LRIG1: variants seen among roughly 807,000 people sequenced by gnomAD.
LRIG1 encodes the protein leucine-rich repeats and immunoglobulin-like domains protein 1.
LRIG1 carries 48 observed loss-of-function variants against 99.2 expected under a neutral mutation model. The observed-to-expected ratio is 0.48, with a 90% CI of 0.38 to 0.62. The LOEUF is 0.62. Ranked by LOEUF, LRIG1 falls within the 20% of genes least tolerant of loss-of-function variation. The pLI is 0.00. For missense variants in LRIG1, 1,646 were observed against 1,434.4 expected (o/e 1.15, Z -2.38); for synonymous variants, 772 against 596.1 (o/e 1.29, Z -4.30).
intron 2 of LRIG1, among the ~76,000 whole-genome samples, chr3:66,452,672 T>C (rs1703945083): frequency 6.6e-6 from 1 of 152,114 alleles, no homozygotes; most frequent in South Asian, 2.1e-4. Context: ...GCTGTACTCA[T>C]ACAAGTATAC....
intron 13 of LRIG1, among the ~76,000 whole-genome samples, chr3:66,384,829 C>T (rs1326562277): frequency 2.6e-5 from 4 of 152,288 alleles, no homozygotes; most frequent in South Asian, 4.1e-4. Flanking sequence ...GCCTAAAGAT[C>T]GATGTCCTGA....
At chr3:66,455,175 C>T (rs1250046377) in intron 2 of LRIG1, among the ~76,000 whole-genome samples, 2 of 152,310 alleles carry the variant, frequency 1.3e-5, no homozygotes, top group Middle Eastern at 3.4e-3. Flanking sequence ...GAACTCCTGA[C>T]CTCAGGTGAT....
chr3:66,416,209 G>A (rs1167119856), intron 4 of LRIG1, among the ~76,000 whole-genome samples: 2 of 152,160 alleles, frequency 1.3e-5, no homozygotes, highest in Non-Finnish European at 1.5e-5. Context: ...CCTTTTGAGG[G>A]CCCACACTGG....
chr3:66,422,823 T>C (rs1039372883), intron 3 of LRIG1, among the ~76,000 whole-genome samples: 3 of 152,188 alleles, frequency 2.0e-5, no homozygotes, highest in Non-Finnish European at 4.4e-5. Flanking sequence ...AAGAAAGAGA[T>C]TTAATTGGAC....
intron 14 of LRIG1, 68 bp from the exon 15 acceptor site, chr3:66,383,469 C>T (rs1701206566): frequency 7.3e-7 from 1 of 1,373,656 alleles, no homozygotes; most frequent in Non-Finnish European, 9.9e-7. Context: ...GCCCGGTCTT[C>T]TGGACAACGG....
chr3:66,493,631 C>T (rs112254581), intron 1 of LRIG1, among the ~76,000 whole-genome samples: 116 of 152,222 alleles, frequency 7.6e-4, no homozygotes, highest in African/African-American at 2.5e-3. Flanking sequence ...CCTCTGTCAC[C>T]AGCAATCTGG....
chr3:66,401,819 G>T, intron 9 of LRIG1: 1 of 508,000 alleles, frequency 2.0e-6, no homozygotes, highest in Non-Finnish European at 3.4e-6. Context: ...ACCTGCGGGA[G>T]TCACCTGTCA....
chr3:66,389,258 T>C (rs1248731432), intron 12 of LRIG1, among the ~76,000 whole-genome samples: 2 of 152,020 alleles, frequency 1.3e-5, no homozygotes, highest in African/African-American at 4.8e-5. Context: ...GGAATTAAAA[T>C]AGTACAACAG....
chr3:66,482,010 TC>T (rs1211339015), intron 1 of LRIG1, among the ~76,000 whole-genome samples: 1 of 152,242 alleles, frequency 6.6e-6, no homozygotes, highest in African/African-American at 2.4e-5. Context: ...TGGAAGCTGT[TC>T]CTGAAAGGTT....
chr3:66,417,023 G>A lies in LRIG1; in HGVS notation c.503+106C>T, dbSNP rs1702634971. On this transcript the variant is annotated intron_variant, in intron 4 of 18. Transcript: ENST00000273261. Reference sequence around the variant, plus strand: ...ACTGACTCGGCCCAGCCGTGGTTGAGAAGGGAAGGAAGCATCCCTCCTGCA... The same window carrying A: ...ACTGACTCGGCCCAGCCGTGGTTGAAAAGGGAAGGAAGCATCCCTCCTGCA... 6 of 1,449,884 alleles carry A rather than the reference G, an allele frequency of 4.1e-6. No homozygotes were observed. In the Admixed American group the frequency reaches 1.1e-4, roughly 26 times the overall value. 89.8% of individuals were successfully genotyped at this position (1,449,884 alleles called of 1,614,324 possible).
intron 3 of LRIG1, among the ~76,000 whole-genome samples, chr3:66,433,105 G>A (rs1703231213): frequency 6.6e-6 from 1 of 152,140 alleles, no homozygotes; most frequent in Non-Finnish European, 1.5e-5. Flanking sequence ...TATTTCCTCA[G>A]GCAGTAAGTA....
chr3:66,381,312 A>T (rs1701046402), intron 17 of LRIG1, among the ~76,000 whole-genome samples, 167 bp downstream of exon 17: 1 of 152,094 alleles, frequency 6.6e-6, no homozygotes. Context: ...AGGAGAAACT[A>T]TCCTGGAATT....
rs1284795566 is a variant in LRIG1, at chr3:66,380,157, A to C, written c.*106T>G. The C allele has an allele frequency of 9.4e-6, 8 of 846,656 alleles. No homozygotes were observed. The East Asian group carries it at 2.1e-4, about 22-fold the overall frequency. The allele number at this position is 846,656 out of a possible 1,614,324, so 52.4% of individuals were successfully genotyped here. Reference sequence around the variant, plus strand: ...GCGACTGATACTCCACATGGGAGTTACAACTATGTACAGATGAGTGACGCT... The same window carrying C: ...GCGACTGATACTCCACATGGGAGTTCCAACTATGTACAGATGAGTGACGCT... On this transcript the variant is annotated 3_prime_UTR_variant, in exon 19 of 19. Coordinates refer to ENST00000273261, the MANE Select transcript of LRIG1 (RefSeq NM_015541.3).
In LRIG1 at chr3:66,384,027, C is replaced by T; in HGVS notation, c.2035G>A (p.Gly679Ser). ...AGGGTGGCATTAGCTGAAATAGAAC[C>T]GGCTGAGTTCTGAGCAGTACAGCTG... ...VYSCTAQNSA[G>S]SISANATLTV... The change falls in exon 14 of 19, where the codon GGT becomes AGT. Residue 679 changes from glycine (G) to serine (S), a missense_variant. Coordinates refer to ENST00000273261, the MANE Select transcript of LRIG1 (RefSeq NM_015541.3). 1 of 1,613,814 alleles carries T rather than the reference C, an allele frequency of 6.2e-7. No individual in the cohort carries two copies. The highest frequency in any genetic ancestry group is 8.5e-7 in the Non-Finnish European group (1 of 1,179,942).
In LRIG1 at chr3:66,422,217, T is replaced by C. The variant is rs183164625; in HGVS notation, c.366-4951A>G. Among the ~76,000 whole-genome samples the C allele has an allele frequency of 1.4e-4, 22 of 152,362 alleles. No homozygotes were observed. In the East Asian group the frequency reaches 4.2e-3, roughly 29 times the overall value. On this transcript the variant is annotated intron_variant, in intron 3 of 18. Transcript: ENST00000273261. Reference sequence around the variant, plus strand: ...TGGTGATTAACATTCAGCTCCTCATTACTTATGCAAATTCCTGCAGCCAGC... The same window carrying C: ...TGGTGATTAACATTCAGCTCCTCATCACTTATGCAAATTCCTGCAGCCAGC...
chr3:66,431,044 C>G (rs1272101187), intron 3 of LRIG1, among the ~76,000 whole-genome samples: 2 of 152,014 alleles, frequency 1.3e-5, no homozygotes, highest in Non-Finnish European at 2.9e-5. Flanking sequence ...AGCACAGGCC[C>G]CACCCTGAAA....
intron 1 of LRIG1, among the ~76,000 whole-genome samples, chr3:66,486,615 G>C (rs555160276): frequency 6.6e-6 from 1 of 152,326 alleles, no homozygotes; most frequent in Admixed American, 6.5e-5. Context: ...ATTCTGAATA[G>C]CTGATGTTTA....
intron 3 of LRIG1, among the ~76,000 whole-genome samples, chr3:66,423,915 G>A (rs1702896627): frequency 6.6e-6 from 1 of 152,220 alleles, no homozygotes; most frequent in African/African-American, 2.4e-5. Flanking sequence ...TCATGCTTGT[G>A]TCATCAGAGC....
intron 3 of LRIG1, among the ~76,000 whole-genome samples, chr3:66,445,836 G>A (rs1575697815): frequency 6.6e-6 from 1 of 152,290 alleles, no homozygotes; most frequent in Non-Finnish European, 1.5e-5. Context: ...CATGCAGTGG[G>A]AATGCCAGCC....
Sources: allele counts gnomAD v4.1 joint callset (sites outside exome capture counted in the v4.1 genomes callset), GRCh38; gene constraint gnomAD v4.1.1; transcripts MANE v1.5; gene names NCBI Gene and HGNC (gene_info 2026-07-23, HGNC 2026-07-21).